COL23A1: variants seen among roughly 807,000 people sequenced by gnomAD.
The protein encoded by COL23A1 is collagen type XXIII alpha 1 chain, also known as collagen alpha-1(XXIII) chain.
Under a neutral mutation model 99.3 loss-of-function variants are expected in COL23A1, and 97 were observed. That is an observed-to-expected ratio of 0.98 (90% CI 0.83 to 1.16). The LOEUF is 1.16. COL23A1 is among the 50% of genes most tolerant of loss of function. The probability of loss-of-function intolerance (pLI) is 0.00; values close to 1 mark genes in which losing one functional copy is unlikely to be tolerated. For synonymous variants in COL23A1, 320 were observed against 308.2 expected, an observed-to-expected ratio of 1.04 and a Z score of -0.40; for missense variants, 762 against 757.4, an observed-to-expected ratio of 1.01 and a Z score of -0.07.
chr5:178,404,196 C>T (rs1764627757), intron 2 of COL23A1, among the ~76,000 whole-genome samples: 1 of 152,240 alleles, frequency 6.6e-6, no homozygotes, highest in Admixed American at 6.5e-5. Flanking sequence ...GTTCTCTCTT[C>T]AGATCCCCTT....
At chr5:178,248,375 T>A in intron 19 of COL23A1, 121 bp from the exon 20 acceptor site, 1 of 714,992 alleles carries the variant, frequency 1.4e-6, no homozygotes, top group Middle Eastern at 2.5e-4. Context: ...CAGTTAGCTG[T>A]TGCAACTGAA....
chr5:178,565,068 A>G (rs1270106009), intron 1 of COL23A1, among the ~76,000 whole-genome samples: 3 of 152,234 alleles, frequency 2.0e-5, no homozygotes, highest in Non-Finnish European at 2.9e-5. Context: ...AGGATTATGA[A>G]GACTGTGTAG....
intron 7 of COL23A1, among the ~76,000 whole-genome samples, chr5:178,267,851 A>G (rs1275128545): frequency 6.6e-6 from 1 of 152,222 alleles, no homozygotes; most frequent in Non-Finnish European, 1.5e-5. Flanking sequence ...CTTCATTGAC[A>G]AGAACATTGA....
chr5:178,355,272 CAAATAAAATAAGAT>C (rs1286049194), intron 2 of COL23A1, among the ~76,000 whole-genome samples: 1 of 64,634 alleles, frequency 1.5e-5, no homozygotes, highest in East Asian at 3.4e-4. Flanking sequence ...CAAAGAACCT[CAAATAAAATAAGAT>C]AAATAAAATA....
intron 2 of COL23A1, among the ~76,000 whole-genome samples, chr5:178,469,406 C>T (rs1388728381): frequency 6.6e-6 from 1 of 152,190 alleles, no homozygotes; most frequent in African/African-American, 2.4e-5. Flanking sequence ...CACATCCTTC[C>T]TCTGAGATAC....
intron 2 of COL23A1, among the ~76,000 whole-genome samples, chr5:178,334,558 G>A (rs968747092): frequency 2.6e-5 from 4 of 152,226 alleles, no homozygotes; most frequent in Admixed American, 6.5e-5. Context: ...AGGGCTTCCC[G>A]CTGGGAGTGT....
intron 2 of COL23A1, among the ~76,000 whole-genome samples, chr5:178,417,039 G>A (rs1188366402): frequency 1.3e-5 from 2 of 152,198 alleles, no homozygotes; most frequent in Admixed American, 6.5e-5. Flanking sequence ...AGTTCAGCAT[G>A]AGCATAGGAC....
chr5:178,425,177 CTT>C (rs971737764), intron 2 of COL23A1, among the ~76,000 whole-genome samples: 16 of 152,160 alleles, frequency 1.1e-4, no homozygotes, highest in African/African-American at 3.6e-4. Context: ...AATCCCAGCA[CTT>C]TGGGAGGCTG....
At position 178,384,881 on chromosome 5, in the gene COL23A1, G is replaced by A. The variant is rs1763586198; in HGVS notation, c.362-77962C>T. Among the ~76,000 whole-genome samples, 1 of 152,204 alleles carries A rather than the reference G, an allele frequency of 6.6e-6. No homozygotes were observed. Among genetic ancestry groups the A allele is most frequent in the Non-Finnish European group, 1.5e-5 (1 of 68,036 alleles). On this transcript the variant is annotated intron_variant, in intron 2 of 28. Coordinates refer to ENST00000390654, the MANE Select transcript of COL23A1 (RefSeq NM_173465.4). The surrounding 1 kb of genome is among the most constrained non-coding windows in gnomAD (Gnocchi z 5.5). ...CAGAAAAGCGGGAAATAGCCTGCAA[G>A]GAGGAAGAGCGCGGTGAGAGGTCAA... is the stretch of plus-strand genomic sequence containing the variant.
At chr5:178,456,164 C>T (rs1767780446) in intron 2 of COL23A1, among the ~76,000 whole-genome samples, 2 of 152,190 alleles carry the variant, frequency 1.3e-5, no homozygotes, top group South Asian at 4.1e-4. Context: ...ATCCTTCCCT[C>T]AACCTTGCCA....
chr5:178,452,620 G>C lies in COL23A1; in HGVS notation c.361+108062C>G, dbSNP rs559174496. 4.6e-5 allele frequency among the ~76,000 whole-genome samples: 7 copies of C among 152,274 alleles called. No individual in the cohort carries two copies. In the South Asian group the frequency reaches 1.5e-3, roughly 32 times the overall value. The stretch of plus-strand genomic sequence containing the variant: ...AGCTTATTTCTGTAATACATAAGGA[G>C]TGCCGACAAATTGCTTTAAAAACCA... On this transcript the variant is annotated intron_variant, in intron 2 of 28. Transcript: ENST00000390654.
chr5:178,314,234 C>T (rs988881437), intron 2 of COL23A1, among the ~76,000 whole-genome samples: 1 of 152,122 alleles, frequency 6.6e-6, no homozygotes, highest in African/African-American at 2.4e-5. Context: ...TACGTCCCCC[C>T]CAGAGTCATC....
chr5:178,391,808 C>A (rs1763977570), intron 2 of COL23A1, among the ~76,000 whole-genome samples: 2 of 152,104 alleles, frequency 1.3e-5, no homozygotes, highest in South Asian at 4.1e-4. Flanking sequence ...AAAAATGGCC[C>A]AAAAGTCCAA....
chr5:178,290,312 A>C, intron 4 of COL23A1, 50 bp downstream of exon 4: 1 of 1,613,502 alleles, frequency 6.2e-7, no homozygotes, highest in Non-Finnish European at 8.5e-7. Flanking sequence ...CAGAGAGAGA[A>C]CCAAACATCT....
chr5:178,314,062 C>T (rs1013167981), intron 2 of COL23A1, among the ~76,000 whole-genome samples: 1 of 152,046 alleles, frequency 6.6e-6, no homozygotes, highest in Non-Finnish European at 1.5e-5. Context: ...GTGGGTGTCT[C>T]TAAGGTGGGC....
chr5:178,442,661 C>T (rs77100531), intron 2 of COL23A1, among the ~76,000 whole-genome samples: 1 of 152,196 alleles, frequency 6.6e-6, no homozygotes, highest in African/African-American at 2.4e-5. Flanking sequence ...GCAGCAGAAG[C>T]TGCTCTTTAA....
rs1277391794 is a variant in COL23A1 at position 178,307,158 on chromosome 5, C to T, written c.362-239G>A. Reference sequence around the variant, plus strand: ...GTGGCCGCATCCCTCATGCCCCACGCACCCATTCTGTCATTCAATCATCGG... The same window carrying T: ...GTGGCCGCATCCCTCATGCCCCACGTACCCATTCTGTCATTCAATCATCGG... On this transcript the variant is annotated intron_variant, in intron 2 of 28. Transcript: ENST00000390654. This position sits in a 1 kb window ranked among gnomAD's most constrained non-coding sequence, Gnocchi z 4.2. Among the ~76,000 whole-genome samples the T allele has an allele frequency of 2.6e-5, 4 of 152,196 alleles. No homozygotes were observed. The highest frequency in any genetic ancestry group is 9.7e-5 in the African/African-American group (4 of 41,448).
At chr5:178,562,736 T>TGGTGGTGGGGGGGGG (rs1554197569) in intron 1 of COL23A1, 1 of 106,824 alleles carries the variant, frequency 9.4e-6, no homozygotes, top group African/African-American at 4.9e-5. Flanking sequence ...TGGCTGGTGG[T>TGGTGGTGGGGGGGGG]GGGGGGGGTG....
At chr5:178,247,725 C>T in intron 21 of COL23A1, 50 bp downstream of exon 21, 1 of 1,594,742 alleles carries the variant, frequency 6.3e-7, no homozygotes, top group Non-Finnish European at 8.6e-7. Context: ...CCCACCCCGC[C>T]TCTTGGTTTC....
Sources: gnomAD v4.1 joint callset for allele counts (sites outside exome capture counted in the v4.1 genomes callset) on GRCh38, gnomAD v4.1.1 for gene constraint, Gnocchi (gnomAD v3.1) non-coding constraint, MANE v1.5 for transcripts, NCBI Gene and HGNC (gene_info 2026-07-23, HGNC 2026-07-21) for gene names.